ERN1: variants seen among roughly 807,000 people sequenced by gnomAD.
ERN1 encodes serine/threonine-protein kinase/endoribonuclease IRE1.
In ERN1, 39 loss-of-function variants were observed where a neutral mutation model predicts 113.1. The ratio of observed to expected loss-of-function variants is 0.34; its 90% confidence interval spans 0.27 to 0.45. ERN1 has a LOEUF of 0.45. ERN1 is among the 20% of genes least tolerant of loss of function. The pLI is 1.00. For missense variants in ERN1, 976 were observed against 1,274.8 expected (o/e 0.77, Z 3.57); for synonymous variants, 507 against 515.9 (o/e 0.98, Z 0.23).
chr17:64,069,136 A>G (rs561002179), intron 6 of ERN1, among the ~76,000 whole-genome samples: 1 of 152,330 alleles, frequency 6.6e-6, no homozygotes, highest in African/African-American at 2.4e-5. Flanking sequence ...TTGAAGCTGT[A>G]AGATCCTTCT....
At chr17:64,072,227 A>G in intron 5 of ERN1, 124 bp from the exon 6 acceptor site, 1 of 1,015,524 alleles carries the variant, frequency 9.8e-7, no homozygotes, top group Non-Finnish European at 1.4e-6. Flanking sequence ...TGTCATTTCT[A>G]AGGTGATGAT....
chr17:64,117,817 C>T (rs1051327749), intron 1 of ERN1, among the ~76,000 whole-genome samples: 1 of 152,144 alleles, frequency 6.6e-6, no homozygotes, highest in African/African-American at 2.4e-5. Flanking sequence ...CCCCTGCAAC[C>T]CCTGCAGAAT....
At position 64,076,279 on chromosome 17, in the gene ERN1, C is replaced by G. The variant is rs528500280; in HGVS notation, c.283-1032G>C. Among the ~76,000 whole-genome samples, 5 of 152,304 alleles carry G rather than the reference C, an allele frequency of 3.3e-5. No homozygotes were observed. In the South Asian group the frequency reaches 6.2e-4, roughly 19 times the overall value. ...GCCTCTACTGCATGGTCACCTTTTT[C>G]TCCAAGAAAGAAAAGATTTCTCTCT... On this transcript the variant is annotated intron_variant, in intron 4 of 21. Transcript: ENST00000433197.
chr17:64,072,787 G>T (rs1238850457), intron 5 of ERN1, among the ~76,000 whole-genome samples: 1 of 152,120 alleles, frequency 6.6e-6, no homozygotes, highest in African/African-American at 2.4e-5. Flanking sequence ...ATGTATCAAT[G>T]GTATATACCC....
chr17:64,058,101 C>T, intron 11 of ERN1, 108 bp from the exon 12 acceptor site: 1 of 855,388 alleles, frequency 1.2e-6, no homozygotes, highest in Non-Finnish European at 1.8e-6. Context: ...GACTGTACTG[C>T]AGGGGGTTTT....
chr17:64,087,776 C>T (rs1400235495), intron 2 of ERN1, among the ~76,000 whole-genome samples: 7 of 152,060 alleles, frequency 4.6e-5, no homozygotes, highest in Non-Finnish European at 7.3e-5. Context: ...CCTGTTCCTC[C>T]TGCTCTCACC....
Position 64,047,959 on chromosome 17 carries a change from C to T in ERN1, c.2428G>A (p.Glu810Lys). The change falls in exon 19 of 22, where the codon GAG becomes AAG. Residue 810 changes from glutamate to lysine, a missense_variant. Physicochemically the swap from Glu to Lys is moderately conservative, Grantham distance 56 (BLOSUM62 1). Transcript: ENST00000433197. ...TGAGGATCCATCGCAATCATCTTCT[C>T]TATCAATTCACGTGCAATGACGTCT... ...HEDVIARELI[E>K]KMIAMDPQKR... 1 of 1,613,304 alleles carries T rather than the reference C, an allele frequency of 6.2e-7. No individual in the cohort carries two copies. The highest frequency in any genetic ancestry group is 8.5e-7 in the Non-Finnish European group (1 of 1,179,386).
At chr17:64,099,834 G>C (rs1914335482) in intron 1 of ERN1, among the ~76,000 whole-genome samples, 2 of 152,152 alleles carry the variant, frequency 1.3e-5, no homozygotes, top group Non-Finnish European at 2.9e-5. Flanking sequence ...TGAAACAGCT[G>C]CTAGAACTTT....
At chr17:64,116,654 A>AACAC (rs149334208) in intron 1 of ERN1, among the ~76,000 whole-genome samples, 213 of 149,778 alleles carry the variant, frequency 1.4e-3, no homozygotes, top group African/African-American at 4.0e-3. Context: ...AAAAAAAAAT[A>AACAC]ACACACACAC....
At chr17:64,071,104 T>A (rs1409016608) in intron 6 of ERN1, among the ~76,000 whole-genome samples, 10 of 152,040 alleles carry the variant, frequency 6.6e-5, no homozygotes, top group Admixed American at 6.5e-4. Context: ...CACAAAATGG[T>A]GCGGTGAAGA....
chr17:64,087,240 C>T (rs1462011774), intron 2 of ERN1, among the ~76,000 whole-genome samples: 1 of 152,180 alleles, frequency 6.6e-6, no homozygotes, highest in African/African-American at 2.4e-5. Context: ...TTCCTCCACT[C>T]ACTGCCCTCC....
intron 2 of ERN1, among the ~76,000 whole-genome samples, chr17:64,084,694 A>G (rs1158581721): frequency 6.6e-6 from 1 of 152,210 alleles, no homozygotes; most frequent in East Asian, 1.9e-4. Flanking sequence ...GTGGTTCCCC[A>G]TCTCACTCAG....
rs143920288 is a variant in ERN1 at position 64,085,491 on chromosome 17, C to T, written c.176-4683G>A. On this transcript the variant is annotated intron_variant, in intron 2 of 21. Transcript: ENST00000433197. ...CAGCGCCAAGCCATTCATGAGGGAT[C>T]CACCCCCAAGACCCAAACACTTCCC... Among the ~76,000 whole-genome samples, 327 of 152,272 alleles carry T rather than the reference C, an allele frequency of 2.1e-3. 4 individuals are homozygous for T. Among genetic ancestry groups the T allele is most frequent in the African/African-American group, 7.6e-3 (314 of 41,554 alleles).
rs116743030 is a variant in ERN1 at position 64,060,712 on chromosome 17, T to A, written c.1088-125A>T. 2.2e-3 allele frequency: 1,447 copies of A among 665,660 alleles called. 13 individuals carry two copies. The African/African-American group carries it at 0.024, about 11-fold the overall frequency. The allele number at this position is 665,660 out of a possible 1,614,324, so 41.2% of individuals were successfully genotyped here. A position where few individuals can be genotyped will look rare whatever the true frequency, so the allele number is the denominator to read the frequency against. ...ACAATGCAAACTCTCAGCAGGACTG[T>A]GAGTTAGAGAAAATGAGTGGCAGTT... is the stretch of plus-strand genomic sequence containing the variant. On this transcript the variant is annotated intron_variant, in intron 10 of 21. Transcript: ENST00000433197.
At chr17:64,091,548 G>C (rs1252496682) in intron 2 of ERN1, among the ~76,000 whole-genome samples, 1 of 152,172 alleles carries the variant, frequency 6.6e-6, no homozygotes, top group Non-Finnish European at 1.5e-5. Flanking sequence ...GTTCAGAAAA[G>C]CACCTCCAGA....
At chr17:64,061,146 C>T (rs576315437) in intron 10 of ERN1, among the ~76,000 whole-genome samples, 30 of 152,210 alleles carry the variant, frequency 2.0e-4, no homozygotes, top group Non-Finnish European at 3.5e-4. Context: ...CGTTCATTTG[C>T]TGTTCACTAC....
intron 1 of ERN1, among the ~76,000 whole-genome samples, chr17:64,106,701 C>A (rs1271230141): frequency 1.4e-5 from 2 of 143,592 alleles, no homozygotes; most frequent in African/African-American, 5.0e-5. Context: ...GGACACCAGT[C>A]CTACAGGGTT....
At chr17:64,072,645 T>C (rs557750560) in intron 5 of ERN1, among the ~76,000 whole-genome samples, 1 of 152,366 alleles carries the variant, frequency 6.6e-6, no homozygotes, top group East Asian at 1.9e-4. Flanking sequence ...GATGTCAAAG[T>C]TGTCTCGGCC....
chr17:64,080,641 A>T (rs762225447), intron 3 of ERN1, 134 bp downstream of exon 3: 2 of 768,130 alleles, frequency 2.6e-6, no homozygotes, highest in East Asian at 5.6e-5. Flanking sequence ...TAGCACCTGT[A>T]AGACTTTATA....
Sources: allele counts gnomAD v4.1 joint callset (sites outside exome capture counted in the v4.1 genomes callset), GRCh38; gene constraint gnomAD v4.1.1; transcripts MANE v1.5; gene names NCBI Gene and HGNC (gene_info 2026-07-23, HGNC 2026-07-21).